Variants in BRD8 observed in about 807,000 individuals in gnomAD.
The protein encoded by BRD8 is bromodomain containing 8, also known as bromodomain-containing protein 8.
BRD8 carries 67 observed loss-of-function variants against 143.1 expected under a neutral mutation model. The observed-to-expected ratio is 0.47, with a 90% CI of 0.38 to 0.57. BRD8 has a LOEUF of 0.57. Among genes scored for constraint, BRD8 ranks in the 20% least tolerant of loss-of-function variants. BRD8 has a pLI of 0.00. For missense variants in BRD8, 1,103 were observed against 1,503.0 expected, an observed-to-expected ratio of 0.73 and a Z score of 4.40; for synonymous variants, 505 against 517.1, an observed-to-expected ratio of 0.98 and a Z score of 0.32.
intron 19 of BRD8, 59 bp from the exon 20 acceptor site, chr5:138,159,658 C>G: frequency 6.5e-7 from 1 of 1,545,520 alleles, no homozygotes; most frequent in South Asian, 1.1e-5. Flanking sequence ...CCACAAGCAC[C>G]CCAAACCTCA....
chr5:138,147,790 C>T (rs1249074611), intron 23 of BRD8, among the ~76,000 whole-genome samples: 2 of 151,944 alleles, frequency 1.3e-5, no homozygotes, highest in East Asian at 3.9e-4. Context: ...ACAAAAAAAT[C>T]AGCTGGTTGT....
rs751291624 is a variant in BRD8 at position 138,140,081 on chromosome 5, A to G, written c.3701T>C (p.Val1234Ala). The stretch of plus-strand genomic sequence containing the variant: ...CAGGATAGCAGCTCCAGGTTAGAAA[A>G]CAGGTTTTCCATCATCCACTGGGTT... ...PANPVDDGKP[V>A]F The change falls in exon 27 of 27, where the codon GTT (valine) becomes GCT (alanine). Residue 1234 changes from valine to alanine, a missense_variant. Val to Ala is a moderately conservative substitution (Grantham distance 64). Coordinates refer to ENST00000254900, the MANE Select transcript of BRD8 (RefSeq NM_139199.2). The G allele has an allele frequency of 2.5e-6, 4 of 1,612,838 alleles. No homozygotes were observed. Among genetic ancestry groups the G allele is most frequent in the Non-Finnish European group, 3.4e-6 (4 of 1,178,972 alleles).
intron 9 of BRD8, 112 bp from the exon 10 acceptor site, chr5:138,166,839 G>A (rs1242244126): frequency 7.2e-6 from 5 of 699,080 alleles, no homozygotes; most frequent in Non-Finnish European, 1.0e-5. Flanking sequence ...AAGGATGAGA[G>A]CAACTCCTGC....
intron 15 of BRD8, 33 bp from the exon 16 acceptor site, chr5:138,162,179 C>G (rs1200034240): frequency 1.3e-6 from 2 of 1,483,508 alleles, no homozygotes; most frequent in Non-Finnish European, 1.8e-6. Context: ...CCACTAGGCA[C>G]AAGTTAAAAA....
At chr5:138,156,453 TAC>T (rs1338143527) in intron 20 of BRD8, among the ~76,000 whole-genome samples, 5 of 152,222 alleles carry the variant, frequency 3.3e-5, no homozygotes, top group African/African-American at 7.2e-5. Flanking sequence ...GAACTCTTTA[TAC>T]AGAGTCTTTA....
rs747706827 is a variant in BRD8 at position 138,169,302 on chromosome 5, G to A, written c.562C>T (p.Pro188Ser). ...CCTCCTGGGGAGGCAGAATCTATAG[G>A]AGAGCGAACCATCACAGTGGGTAAC... The part of the protein sequence containing the change: ...RRLPTVMVRS[P>S]IDSASPGGDY... The change falls in exon 8 of 27, where the codon CCT becomes TCT. Residue 188 changes from proline to serine, a missense_variant. Pro to Ser is a moderately conservative substitution (Grantham distance 74). Coordinates refer to ENST00000254900, the MANE Select transcript of BRD8 (RefSeq NM_139199.2). 5.6e-6 allele frequency: 9 copies of A among 1,614,176 alleles called. No individual in the cohort carries two copies. The highest frequency in any genetic ancestry group is 2.2e-5 in the South Asian group (2 of 91,084).
chr5:138,169,230 T>C lies in BRD8; in HGVS notation c.634A>G (p.Thr212Ala), dbSNP rs1267357399. ...DLTPTTMEEA[T>A]SGVNESEMAV... is the part of the protein sequence containing the mutation. ...GATGGAAATATACTCACCCCAGAGG[T>C]AGCCTCTTCCATAGTGGTTGGAGTC... The change falls in exon 8 of 27, where the codon ACC (threonine) becomes GCC (alanine). Residue 212 changes from threonine (T) to alanine (A), a missense_variant. Transcript: ENST00000254900. The C allele has an allele frequency of 1.9e-6, 3 of 1,613,826 alleles. No individual in the cohort carries two copies. Among genetic ancestry groups the C allele is most frequent in the South Asian group, 2.2e-5 (2 of 91,066 alleles).
intron 15 of BRD8, among the ~76,000 whole-genome samples, 175 bp from the exon 16 acceptor site, chr5:138,162,321 A>C (rs1475035840): frequency 6.6e-6 from 1 of 152,020 alleles, no homozygotes; most frequent in East Asian, 1.9e-4. Context: ...CAGCCTCCCA[A>C]GTAGCTGGGA....
chr5:138,167,682 C>T, intron 9 of BRD8: 1 of 412,498 alleles, frequency 2.4e-6, no homozygotes, highest in Non-Finnish European at 4.5e-6. Flanking sequence ...ATTTTGCAAG[C>T]CCTAAGAAAG....
chr5:138,163,638 C>T (rs1753178506), intron 14 of BRD8: 1 of 1,406,614 alleles, frequency 7.1e-7, no homozygotes, highest in African/African-American at 1.4e-5. Context: ...GAGAGTAACT[C>T]TGACCCTGGG....
chr5:138,168,090 G>A lies in BRD8; in HGVS notation c.643-12C>T, dbSNP rs1387495374. 1.2e-6 allele frequency: 2 copies of A among 1,602,534 alleles called. No individual in the cohort carries two copies. The highest frequency in any genetic ancestry group is 1.7e-5 in the Admixed American group (1 of 58,830). On this transcript the variant is annotated splice_polypyrimidine_tract_variant and intron_variant, in intron 8 of 26. Coordinates refer to ENST00000254900, the MANE Select transcript of BRD8 (RefSeq NM_139199.2). ...TCACTCTCATTGACCTACCAGGGAA[G>A]AATAGAGGTGAAGGCTACACTCAAG...
At chr5:138,151,765 G>A (rs1752378812) in intron 21 of BRD8, among the ~76,000 whole-genome samples, 1 of 152,232 alleles carries the variant, frequency 6.6e-6, no homozygotes, top group Non-Finnish European at 1.5e-5. Context: ...CCGGGTTCAA[G>A]CGATTCTCCT....
intron 10 of BRD8, 130 bp downstream of exon 10, chr5:138,166,388 G>A: frequency 3.1e-6 from 2 of 651,306 alleles, no homozygotes; most frequent in South Asian, 4.0e-5. Context: ...TTATTTCTAA[G>A]GATAAAGATG....
At chr5:138,173,422 CTATT>C (rs1561621385) in intron 2 of BRD8, among the ~76,000 whole-genome samples, 1 of 151,764 alleles carries the variant, frequency 6.6e-6, no homozygotes, top group Non-Finnish European at 1.5e-5. Context: ...ATTCTTAACA[CTATT>C]TATCTAATAA....
chr5:138,159,443 A>C (rs1194970650), intron 20 of BRD8, 112 bp downstream of exon 20: 6 of 1,101,640 alleles, frequency 5.4e-6, no homozygotes, highest in Non-Finnish European at 8.3e-6. Context: ...AATAAACAGA[A>C]GTTCAAGACA....
At chr5:138,153,355 C>T (rs1283075822) in intron 20 of BRD8, among the ~76,000 whole-genome samples, 1 of 152,090 alleles carries the variant, frequency 6.6e-6, no homozygotes, top group African/African-American at 2.4e-5. Context: ...TTGTCCTCTC[C>T]CTTTTACAAC....
rs138496492 is a variant in BRD8, at chr5:138,158,274, T to C, written c.2577+1281A>G. ...ATGACCTTAAGACCATGTAGTTTTCTAGCCTGATGCCCTTCCATTACATCA... is the reference window on the plus strand; with the variant it reads ...ATGACCTTAAGACCATGTAGTTTTCCAGCCTGATGCCCTTCCATTACATCA... On this transcript the variant is annotated intron_variant, in intron 20 of 26. Transcript: ENST00000254900. Among the ~76,000 whole-genome samples the C allele has an allele frequency of 1.4e-4, 21 of 152,328 alleles. No individual in the cohort carries two copies. The East Asian group carries it at 4.0e-3, about 29-fold the overall frequency.
At chr5:138,147,299 AATATAT>A (rs4033080) in intron 23 of BRD8, among the ~76,000 whole-genome samples, 4 of 146,124 alleles carry the variant, frequency 2.7e-5, no homozygotes, top group Non-Finnish European at 4.5e-5. Context: ...CTCTTCAAAA[AATATAT>A]ATATATATAT....
In BRD8 at chr5:138,140,631, C is replaced by T. The variant is rs758840158; in HGVS notation, c.3615+74G>A. The T allele has an allele frequency of 3.4e-6, 5 of 1,485,356 alleles. No individual in the cohort carries two copies. The African/African-American group carries it at 5.5e-5, about 16-fold the overall frequency. 92.0% of individuals were successfully genotyped at this position (1,485,356 alleles called of 1,614,324 possible). ...AAATAAACTCTGAGAACACAGTCAC[C>T]TCGAAATCACCTTTATTCTCATAGG... On this transcript the variant is annotated intron_variant, in intron 26 of 26. Transcript: ENST00000254900.
Sources: allele counts gnomAD v4.1 joint callset (sites outside exome capture counted in the v4.1 genomes callset), GRCh38; gene constraint gnomAD v4.1.1; transcripts MANE v1.5; gene names NCBI Gene and HGNC (gene_info 2026-07-23, HGNC 2026-07-21).